The following CDH23 variants were observed in gnomAD, a reference collection of about 807,000 sequenced individuals.
CDH23 encodes cadherin-23.
Under a neutral mutation model 317.1 loss-of-function variants are expected in CDH23, and 189 were observed. That is an observed-to-expected ratio of 0.60 (90% CI 0.53 to 0.67). CDH23 has a LOEUF of 0.67. Among genes scored for constraint, CDH23 ranks in the 30% least tolerant of loss-of-function variants. The pLI is 0.00. For missense variants in CDH23, 4,401 were observed against 4,592.4 expected (o/e 0.96, Z 1.20); for synonymous variants, 1,839 against 1,876.8 (o/e 0.98, Z 0.52).
intron 38 of CDH23, among the ~76,000 whole-genome samples, chr10:71,754,325 C>T (rs758838880): frequency 2.0e-5 from 3 of 150,606 alleles, no homozygotes; most frequent in Non-Finnish European, 3.0e-5. Context: ...TGGGGCTTCA[C>T]GTGGGGGCCC....
intron 28 of CDH23, chr10:71,714,509 G>C (rs188870030): frequency 1.3e-5 from 2 of 152,254 alleles, no homozygotes; most frequent in Non-Finnish European, 2.9e-5. Flanking sequence ...CAGTAGGGGC[G>C]GCTCCAGGCA....
Position 71,739,719 on chromosome 10 carries a change from G to T in CDH23, c.4435G>T (p.Val1479Leu), listed in dbSNP as rs1839682678. The change falls in exon 36 of 70, where the codon GTG (valine) becomes TTG (leucine). Residue 1479 changes from valine (V) to leucine (L), a missense_variant. By Grantham distance (32) the Val-to-Leu change is conservative (BLOSUM62 1). Transcript: ENST00000224721. ...CACCACCAATGACTCCATTGGCGAA[G>T]TGTTTGTGGCCAGGCCCCTGGACAG... The part of the protein sequence containing the change: ...IVTTNDSIGE[V>L]FVARPLDREE... The T allele has an allele frequency of 6.2e-7, 1 of 1,613,418 alleles. No homozygotes were observed. Among genetic ancestry groups the T allele is most frequent in the South Asian group, 1.1e-5 (1 of 91,004 alleles).
At chr10:71,810,651 A>C in intron 62 of CDH23, 82 bp downstream of exon 62, 3 of 1,253,848 alleles carry the variant, frequency 2.4e-6, no homozygotes, top group Non-Finnish European at 3.5e-6. Flanking sequence ...GGACACACCA[A>C]AGGAGACACA....
At chr10:71,798,300 GC>G in intron 49 of CDH23, 53 bp from the exon 50 acceptor site, 1 of 1,395,042 alleles carries the variant, frequency 7.2e-7, no homozygotes, top group Non-Finnish European at 1.0e-6. Context: ...GGAAGGCCTG[GC>G]CCAGCCACAC....
chr10:71,661,261 G>T (rs751419823), intron 14 of CDH23, among the ~76,000 whole-genome samples: 1 of 152,054 alleles, frequency 6.6e-6, no homozygotes, highest in South Asian at 2.1e-4. Flanking sequence ...CAGGCCCAGC[G>T]CTCCCTCTGC....
chr10:71,440,002 T>A, intron 2 of CDH23, 104 bp downstream of exon 2: 1 of 882,358 alleles, frequency 1.1e-6, no homozygotes, highest in Non-Finnish European at 1.8e-6. Flanking sequence ...TCTGGGACTC[T>A]GGAGACACTG....
intron 20 of CDH23, among the ~76,000 whole-genome samples, chr10:71,692,309 C>T (rs1157598335): frequency 1.3e-5 from 2 of 152,180 alleles, no homozygotes; most frequent in Non-Finnish European, 2.9e-5. Context: ...AGTCGGGGCT[C>T]CAGCTCCACC....
At position 71,760,647 on chromosome 10, in the gene CDH23, T is replaced by C. The variant is rs1840355721; in HGVS notation, c.4846-17033T>C. The C allele has an allele frequency of 5.5e-6, 3 of 540,964 alleles. 1 individual carries two copies. The highest frequency in any genetic ancestry group is 4.5e-5 in the South Asian group (2 of 44,154). The allele number at this position is 540,964 out of a possible 1,614,324, so 33.5% of individuals were successfully genotyped here. ...GCCAAGGCACAGCCACTCCAGAGAG[T>C]CAAGAGGAGCAGAGACTCCAGAGCA... On this transcript the variant is annotated intron_variant, in intron 38 of 69. Transcript: ENST00000224721.
chr10:71,782,346 A>G (rs1193392704), intron 41 of CDH23, among the ~76,000 whole-genome samples: 1 of 152,168 alleles, frequency 6.6e-6, no homozygotes, highest in Non-Finnish European at 1.5e-5. Context: ...ATCAGCACAC[A>G]CAAGGTGGGC....
intron 53 of CDH23, 118 bp from the exon 54 acceptor site, chr10:71,802,780 C>A: frequency 1.9e-6 from 2 of 1,063,938 alleles, no homozygotes; most frequent in Admixed American, 2.0e-5. Context: ...GAAGACATTA[C>A]CTCCCTCCCA....
intron 9 of CDH23, among the ~76,000 whole-genome samples, chr10:71,585,899 C>A (rs543891038): frequency 6.6e-6 from 1 of 152,324 alleles, no homozygotes; most frequent in Non-Finnish European, 1.5e-5. Flanking sequence ...CCATAAATAA[C>A]ACTGGTGGGT....
chr10:71,770,361 A>C (rs1840658708), intron 38 of CDH23, among the ~76,000 whole-genome samples: 1 of 152,252 alleles, frequency 6.6e-6, no homozygotes, highest in African/African-American at 2.4e-5. Context: ...AATATCACAG[A>C]GCAGTAAATG....
At chr10:71,410,105 C>A (rs1240454080) in intron 1 of CDH23, among the ~76,000 whole-genome samples, 1 of 152,198 alleles carries the variant, frequency 6.6e-6, no homozygotes, top group Non-Finnish European at 1.5e-5. Context: ...GTCTTGTTTT[C>A]TCTTCCGCAA....
intron 3 of CDH23, among the ~76,000 whole-genome samples, chr10:71,468,295 T>C (rs1236447710): frequency 2.6e-5 from 4 of 152,194 alleles, no homozygotes; most frequent in Non-Finnish European, 5.9e-5. Context: ...TGGGTAATGG[T>C]GAGCCATGGC....
intron 11 of CDH23, among the ~76,000 whole-genome samples, chr10:71,642,916 G>A (rs1336996326): frequency 3.3e-5 from 5 of 152,226 alleles, no homozygotes; most frequent in African/African-American, 1.2e-4. Context: ...CCTGAGGCAT[G>A]GTCTACAGCC....
intron 6 of CDH23, among the ~76,000 whole-genome samples, chr10:71,532,383 C>A (rs1431376338): frequency 1.3e-5 from 2 of 152,212 alleles, no homozygotes; most frequent in Non-Finnish European, 2.9e-5. Flanking sequence ...GCCCCGATTA[C>A]CTTGGAGAGT....
rs559976444 is a variant in CDH23 at position 71,440,508 on chromosome 10, C to T, written c.67+610C>T. Reference sequence around the variant, plus strand: ...AGCATTTGATCTGGGCTGTGAAGACCAAGAAGTAGTTTTAAACTAGGTGAG... The same window carrying T: ...AGCATTTGATCTGGGCTGTGAAGACTAAGAAGTAGTTTTAAACTAGGTGAG... On this transcript the variant is annotated intron_variant, in intron 2 of 69. Coordinates refer to ENST00000224721, the MANE Select transcript of CDH23 (RefSeq NM_022124.6). Among the ~76,000 whole-genome samples, 462 of 152,286 alleles carry T rather than the reference C, an allele frequency of 3.0e-3. 5 individuals are homozygous for T. Among genetic ancestry groups the T allele is most frequent in the South Asian group, 0.022 (108 of 4,820 alleles).
At chr10:71,532,776 C>T (rs66775954) in intron 6 of CDH23, among the ~76,000 whole-genome samples, 1 of 141,160 alleles carries the variant, frequency 7.1e-6, no homozygotes. Flanking sequence ...GTCATCCAGG[C>T]TGGAGTGCAG....
intron 29 of CDH23, 128 bp from the exon 30 acceptor site, chr10:71,725,244 C>T: frequency 1.3e-6 from 2 of 1,494,096 alleles, no homozygotes; most frequent in Non-Finnish European, 9.3e-7. Context: ...AATTCTGTGT[C>T]CCAGAAGACC....
Sources: allele counts gnomAD v4.1 joint callset (sites outside exome capture counted in the v4.1 genomes callset), GRCh38; gene constraint gnomAD v4.1.1; transcripts MANE v1.5; gene names NCBI Gene and HGNC (gene_info 2026-07-23, HGNC 2026-07-21).